MMS22L: variants seen among roughly 807,000 people sequenced by gnomAD.
MMS22L encodes the protein MMS22 like, DNA repair protein.
Under a neutral mutation model 159.1 loss-of-function variants are expected in MMS22L, and 74 were observed. The ratio of observed to expected loss-of-function variants is 0.47; its 90% CI spans 0.39 to 0.56. MMS22L has a LOEUF of 0.56. Among genes scored for constraint, MMS22L ranks in the 20% least tolerant of loss-of-function variants. The pLI is 0.00. For synonymous variants in MMS22L, 517 were observed against 506.9 expected (o/e 1.02, Z -0.27); for missense variants, 1,351 against 1,422.1 (o/e 0.95, Z 0.80).
intron 6 of MMS22L, 120 bp from the exon 7 acceptor site, chr6:97,270,112 T>C: frequency 1.4e-6 from 1 of 731,026 alleles, no homozygotes; most frequent in Non-Finnish European, 2.3e-6. Context: ...CCTACCACTA[T>C]TCAAAAGCTC....
intron 3 of MMS22L, among the ~76,000 whole-genome samples, chr6:97,280,089 C>T (rs539002340): frequency 3.1e-4 from 47 of 152,136 alleles, no homozygotes; most frequent in Non-Finnish European, 5.6e-4. Context: ...CTCACTGAGC[C>T]TGTTCTATCA....
intron 14 of MMS22L, among the ~76,000 whole-genome samples, chr6:97,217,398 T>G (rs1233515721): frequency 1.3e-5 from 2 of 151,904 alleles, no homozygotes; most frequent in Admixed American, 6.6e-5. Flanking sequence ...GGATTACAGG[T>G]GCCCACCACC....
chr6:97,169,837 G>A (rs1803339366), intron 19 of MMS22L, among the ~76,000 whole-genome samples: 1 of 151,980 alleles, frequency 6.6e-6, no homozygotes, highest in African/African-American at 2.4e-5. Flanking sequence ...ATACAGGTAT[G>A]TTTCACTTTC....
intron 8 of MMS22L, chr6:97,264,350 T>G (rs575210506): frequency 5.3e-5 from 8 of 151,670 alleles, no homozygotes; most frequent in African/African-American, 2.0e-4. Context: ...GATTCAGTAA[T>G]TTCTAAATTA....
In MMS22L at chr6:97,145,800, C is replaced by T. The variant is rs80153870; in HGVS notation, c.*1006G>A. The T allele has an allele frequency of 5.3e-5, 8 of 152,158 alleles. No homozygotes were observed. The East Asian group carries it at 1.5e-3, about 29-fold the overall frequency. 9.4% of individuals were successfully genotyped at this position (152,158 alleles called of 1,614,324 possible). On this transcript the variant is annotated 3_prime_UTR_variant, in exon 25 of 25. Coordinates refer to ENST00000683635, the MANE Select transcript of MMS22L (RefSeq NM_001350599.2). ...CTGAGTTTGAGACCCAGGTGGGTTC[C>T]CAAAACTAGGACTGGAGCTCTTTCA...
In MMS22L at chr6:97,149,826, C is replaced by G. The variant is rs758974763; in HGVS notation, c.3650+27G>C. 9 of 1,550,630 alleles carry G rather than the reference C, an allele frequency of 5.8e-6. No individual in the cohort carries two copies. The South Asian group carries it at 6.2e-5, about 11-fold the overall frequency. Reference sequence around the variant, plus strand: ...ATAAATTTTATAATCACTGCCCCCCCCAATGTAATTAAATTATCAAACATA... The same window carrying G: ...ATAAATTTTATAATCACTGCCCCCCGCAATGTAATTAAATTATCAAACATA... On this transcript the variant is annotated intron_variant, in intron 24 of 24. Transcript: ENST00000683635.
chr6:97,225,818 A>C (rs1013756948), intron 14 of MMS22L, among the ~76,000 whole-genome samples: 2 of 151,860 alleles, frequency 1.3e-5, no homozygotes, highest in Non-Finnish European at 2.9e-5. Context: ...TGATCCGCCC[A>C]CCTCGGCCTC....
chr6:97,181,272 T>C (rs1049819741), intron 16 of MMS22L, among the ~76,000 whole-genome samples: 2 of 152,210 alleles, frequency 1.3e-5, no homozygotes, highest in Non-Finnish European at 2.9e-5. Context: ...ATATTTATTT[T>C]ATTTTCTCTC....
chr6:97,162,503 T>A (rs549722696), intron 21 of MMS22L, among the ~76,000 whole-genome samples: 4 of 151,842 alleles, frequency 2.6e-5, no homozygotes, highest in Non-Finnish European at 5.9e-5. Context: ...AAGTCTGATC[T>A]CCTCCATTGG....
rs571556412 is a variant in MMS22L, at chr6:97,205,247, AT to A, written c.2040-18558del. Among the ~76,000 whole-genome samples, 1,276 of 145,692 alleles carry A rather than the reference AT, an allele frequency of 8.8e-3. 14 individuals are homozygous for A. Among genetic ancestry groups the A allele is most frequent in the Non-Finnish European group, 0.012 (812 of 65,812 alleles). On this transcript the variant is annotated intron_variant, in intron 14 of 24. Transcript: ENST00000683635. ...CATGAGCCACCATACTCGGCCACGT[AT>A]TTTTTTTTTTAAGAGACAGGGTTAA...
intron 6 of MMS22L, chr6:97,271,065 TAG>T (rs1815685521): frequency 6.6e-6 from 1 of 152,020 alleles, no homozygotes; most frequent in Admixed American, 6.6e-5. Flanking sequence ...AATATATACC[TAG>T]AGAGTTCTTA....
intron 19 of MMS22L, among the ~76,000 whole-genome samples, chr6:97,170,645 G>A (rs561572979): frequency 3.3e-5 from 5 of 152,038 alleles, no homozygotes; most frequent in South Asian, 2.1e-4. Context: ...TCTACCCTAC[G>A]TAAAAATTGG....
chr6:97,172,149 C>T (rs937522562), intron 19 of MMS22L, among the ~76,000 whole-genome samples: 1 of 151,958 alleles, frequency 6.6e-6, no homozygotes, highest in Non-Finnish European at 1.5e-5. Flanking sequence ...AGCATGAATG[C>T]CAATATATTT....
chr6:97,169,275 C>T (rs933571418), intron 19 of MMS22L, among the ~76,000 whole-genome samples: 1 of 151,968 alleles, frequency 6.6e-6, no homozygotes, highest in Non-Finnish European at 1.5e-5. Context: ...CAAATGAGCA[C>T]CCTTTGTTTA....
chr6:97,242,350 G>A (rs753484804), intron 11 of MMS22L, among the ~76,000 whole-genome samples: 28 of 152,080 alleles, frequency 1.8e-4, no homozygotes, highest in Non-Finnish European at 4.0e-4. Flanking sequence ...ATTACATAAT[G>A]TCCCTCTGTC....
intron 11 of MMS22L, among the ~76,000 whole-genome samples, chr6:97,239,363 G>C (rs1811807096): frequency 6.6e-6 from 1 of 151,986 alleles, no homozygotes; most frequent in South Asian, 2.1e-4. Context: ...AAAACAATGA[G>C]GCTTTTAAAA....
chr6:97,282,137 T>C (rs1438897921), intron 2 of MMS22L, among the ~76,000 whole-genome samples, 177 bp downstream of exon 2: 1 of 152,220 alleles, frequency 6.6e-6, no homozygotes, highest in African/African-American at 2.4e-5. Flanking sequence ...ATACTTTAGA[T>C]ATGCCCTTAC....
chr6:97,251,150 A>G (rs6568831), intron 10 of MMS22L, among the ~76,000 whole-genome samples: 99,238 of 152,000 alleles, frequency 0.65, 33,743 homozygotes, highest in Non-Finnish European at 0.76. Context: ...GGATGAATAG[A>G]TAATAAGGTA....
At chr6:97,210,850 T>C (rs1808294709) in intron 14 of MMS22L, among the ~76,000 whole-genome samples, 1 of 151,978 alleles carries the variant, frequency 6.6e-6, no homozygotes, top group Admixed American at 6.6e-5. Flanking sequence ...ATATGTAATT[T>C]CTTATATTCC....
Sources: gnomAD v4.1 joint callset for allele counts (sites outside exome capture counted in the v4.1 genomes callset) on GRCh38, gnomAD v4.1.1 for gene constraint, MANE v1.5 for transcripts, NCBI Gene and HGNC (gene_info 2026-07-23, HGNC 2026-07-21) for gene names.